The following DLG2 variants were observed in gnomAD, a reference collection of about 807,000 sequenced individuals.
DLG2 encodes the protein discs large MAGUK scaffold protein 2.
DLG2 carries 45 observed loss-of-function variants against 132.5 expected under a neutral mutation model. The observed-to-expected ratio is 0.34, with a 90% confidence interval of 0.27 to 0.44. The LOEUF (loss-of-function observed/expected upper bound fraction) is 0.44. Among genes scored for constraint, DLG2 ranks in the 20% least tolerant of loss-of-function variants. The pLI is 1.00. For synonymous variants in DLG2, 424 were observed against 419.6 expected (o/e 1.01, Z -0.13); for missense variants, 1,045 against 1,196.9 (o/e 0.87, Z 1.87).
intron 6 of DLG2, among the ~76,000 whole-genome samples, chr11:84,925,720 A>G (rs2154086793): frequency 6.6e-6 from 1 of 152,326 alleles, no homozygotes; most frequent in Middle Eastern, 3.4e-3. Flanking sequence ...ACTGCAAGTG[A>G]GTAGTCCTGG....
intron 5 of DLG2, among the ~76,000 whole-genome samples, chr11:85,136,785 T>C (rs936260022): frequency 6.6e-6 from 1 of 152,170 alleles, no homozygotes; most frequent in Non-Finnish European, 1.5e-5. Context: ...CAGTGTCTAT[T>C]CTAGAATCTA....
At position 83,833,812 on chromosome 11, in the gene DLG2, T is replaced by C. The variant is rs994381086; in HGVS notation, c.1566-42A>G. The C allele has an allele frequency of 5.1e-6, 8 of 1,583,890 alleles. No homozygotes were observed. In the African/African-American group the frequency reaches 8.2e-5, roughly 16 times the overall value. ...AGAACACAGCTCAGAGGGTGATCCA[T>C]TTAAGATTTACGTTGCTTTTACTTT... On this transcript the variant is annotated intron_variant, in intron 16 of 27. Coordinates refer to ENST00000376104, the MANE Select transcript of DLG2 (RefSeq NM_001142699.3).
At chr11:85,039,339 G>C (rs1280102463) in intron 6 of DLG2, among the ~76,000 whole-genome samples, 1 of 151,786 alleles carries the variant, frequency 6.6e-6, no homozygotes, top group Admixed American at 6.6e-5. Context: ...ATCCAGTCTA[G>C]GTAGTTGATC....
chr11:84,146,115 C>T (rs530666326), intron 9 of DLG2, among the ~76,000 whole-genome samples: 5 of 152,180 alleles, frequency 3.3e-5, no homozygotes, highest in African/African-American at 7.2e-5. Context: ...TTTTTACTTG[C>T]CACTTTAAGA....
chr11:83,788,790 G>A (rs1166922610), intron 17 of DLG2, among the ~76,000 whole-genome samples: 1 of 152,206 alleles, frequency 6.6e-6, no homozygotes, highest in African/African-American at 2.4e-5. Context: ...CTAAAAGGAA[G>A]AGGTAAAAGT....
intron 4 of DLG2, among the ~76,000 whole-genome samples, chr11:85,258,760 G>A (rs1454322064): frequency 6.6e-6 from 1 of 152,096 alleles, no homozygotes; most frequent in Non-Finnish European, 1.5e-5. Context: ...GTTAACAATA[G>A]GACAGAAGCT....
chr11:83,597,205 G>A (rs1166102751), intron 19 of DLG2, among the ~76,000 whole-genome samples: 1 of 152,164 alleles, frequency 6.6e-6, no homozygotes, highest in African/African-American at 2.4e-5. Context: ...TGATCAACAT[G>A]TCTCATGAGC....
chr11:83,784,701 A>C (rs897886543), intron 18 of DLG2, among the ~76,000 whole-genome samples: 1 of 152,262 alleles, frequency 6.6e-6, no homozygotes, highest in South Asian at 2.1e-4. Flanking sequence ...GAAGATCTAC[A>C]TTGATAGAAC....
intron 9 of DLG2, among the ~76,000 whole-genome samples, chr11:84,136,747 T>C (rs2094616050): frequency 6.6e-6 from 1 of 152,206 alleles, no homozygotes. Context: ...TGGAGAGCTC[T>C]ACGTGGCATG....
At chr11:85,374,320 G>T (rs1000783402) in intron 3 of DLG2, among the ~76,000 whole-genome samples, 1 of 152,194 alleles carries the variant, frequency 6.6e-6, no homozygotes, top group Non-Finnish European at 1.5e-5. Flanking sequence ...AGTCACACAA[G>T]AGGTTTTGGG....
intron 18 of DLG2, among the ~76,000 whole-genome samples, chr11:83,728,251 T>C (rs1027816633): frequency 3.3e-5 from 5 of 152,156 alleles, no homozygotes; most frequent in African/African-American, 1.2e-4. Flanking sequence ...CTCTTCTCTG[T>C]TCAAATCCAT....
chr11:85,264,564 T>A (rs1046573408), intron 4 of DLG2, among the ~76,000 whole-genome samples: 2 of 152,164 alleles, frequency 1.3e-5, no homozygotes, highest in Non-Finnish European at 2.9e-5. Context: ...TTTGCTGTAC[T>A]GCTAGTCAAC....
intron 10 of DLG2, among the ~76,000 whole-genome samples, chr11:84,088,737 A>G (rs2097036400): frequency 6.6e-6 from 1 of 152,214 alleles, no homozygotes; most frequent in African/African-American, 2.4e-5. Flanking sequence ...TTACCCTTCA[A>G]TACTTTTCAC....
intron 9 of DLG2, among the ~76,000 whole-genome samples, chr11:84,161,157 G>C (rs941409674): frequency 6.6e-6 from 1 of 152,150 alleles, no homozygotes; most frequent in African/African-American, 2.4e-5. Context: ...GGCTTAACCA[G>C]CGTAAGCTAA....
intron 21 of DLG2, among the ~76,000 whole-genome samples, chr11:83,491,275 A>G (rs1056637340): frequency 1.3e-5 from 2 of 151,986 alleles, no homozygotes; most frequent in African/African-American, 4.8e-5. Context: ...GTAGGGAAAA[A>G]TCAAATCCCA....
At chr11:83,492,136 C>T (rs1349541255) in intron 21 of DLG2, among the ~76,000 whole-genome samples, 3 of 152,088 alleles carry the variant, frequency 2.0e-5, no homozygotes, top group African/African-American at 4.8e-5. Flanking sequence ...AGTTTCCTGG[C>T]TACTTATCTA....
chr11:85,281,026 A>T (rs2078191057), intron 4 of DLG2, among the ~76,000 whole-genome samples: 1 of 152,042 alleles, frequency 6.6e-6, no homozygotes, highest in African/African-American at 2.4e-5. Context: ...GTGAAGGATC[A>T]GGGTGCTGAT....
At chr11:84,999,784 C>T (rs1046251588) in intron 6 of DLG2, among the ~76,000 whole-genome samples, 1 of 151,430 alleles carries the variant, frequency 6.6e-6, no homozygotes, top group Non-Finnish European at 1.5e-5. Flanking sequence ...CAATTGGATA[C>T]TCTCATGTCT....
At chr11:85,205,730 G>A (rs1206682314) in intron 4 of DLG2, among the ~76,000 whole-genome samples, 1 of 152,112 alleles carries the variant, frequency 6.6e-6, no homozygotes. Context: ...CAAATGAGCA[G>A]CCCAATTAGG....
Sources: allele counts gnomAD v4.1 joint callset (sites outside exome capture counted in the v4.1 genomes callset), GRCh38; gene constraint gnomAD v4.1.1; transcripts MANE v1.5; gene names NCBI Gene and HGNC (gene_info 2026-07-23, HGNC 2026-07-21).